Variants in THOP1 observed in about 807,000 individuals in gnomAD.
The protein encoded by THOP1 is thimet oligopeptidase.
A neutral mutation model predicts 71.8 loss-of-function variants in THOP1; 49 were observed. The observed-to-expected ratio is 0.68, with a 90% confidence interval of 0.54 to 0.87. The LOEUF is 0.87. Ranked by LOEUF, THOP1 falls within the 40% of genes least tolerant of loss-of-function variation. The pLI, the probability that THOP1 is intolerant of heterozygous loss-of-function variation, is 0.00. For synonymous variants in THOP1, 426 were observed against 421.5 expected, an observed-to-expected ratio of 1.01 and a Z score of -0.13; for missense variants, 843 against 975.6, an observed-to-expected ratio of 0.86 and a Z score of 1.81.
At position 2,796,321 on chromosome 19, in the gene THOP1, G is replaced by C. The variant is rs1916012917; in HGVS notation, c.486+133G>C. 7.2e-6 allele frequency: 5 copies of C among 690,716 alleles called. No homozygotes were observed. In the East Asian group the frequency reaches 1.4e-4, roughly 20 times the overall value. 42.8% of individuals were successfully genotyped at this position (690,716 alleles called of 1,614,324 possible). ...GGGCAGGGGGAGTGCTGGGCTCGGG[G>C]AGTGCTCGGCTCAGGGAGTGCTTGG... On this transcript the variant is annotated intron_variant, in intron 4 of 12. Coordinates refer to ENST00000307741, the MANE Select transcript of THOP1 (RefSeq NM_003249.5).
At chr19:2,812,964 C>T in intron 12 of THOP1, 151 bp from the exon 13 acceptor site, 1 of 835,114 alleles carries the variant, frequency 1.2e-6, no homozygotes, top group Non-Finnish European at 1.9e-6. Context: ...CGCTCTCCCA[C>T]CTGTGCTGAT....
At position 2,805,782 on chromosome 19, in the gene THOP1, G is replaced by C. The variant is rs375546731; in HGVS notation, c.750+606G>C. Among the ~76,000 whole-genome samples, 1 of 152,056 alleles carries C rather than the reference G, an allele frequency of 6.6e-6. No individual in the cohort carries two copies. The highest frequency in any genetic ancestry group is 1.5e-5 in the Non-Finnish European group (1 of 67,984). ...GGCTGGCAAAAGGGGGATACACGCT[G>C]ATCACTGCAAAGGGATGGGCGGGCA... On this transcript the variant is annotated intron_variant, in intron 6 of 12. Coordinates refer to ENST00000307741, the MANE Select transcript of THOP1 (RefSeq NM_003249.5). The surrounding 1 kb of genome is among the most constrained non-coding windows in gnomAD (Gnocchi z 6.6).
At chr19:2,806,695 TTA>T (rs1211448578) in intron 6 of THOP1, 4 of 686,410 alleles carry the variant, frequency 5.8e-6, no homozygotes, top group Non-Finnish European at 9.4e-6. Context: ...GTGTGAGGCC[TTA>T]GAGTCATCTG....
intron 1 of THOP1, 93 bp from the exon 2 acceptor site, chr19:2,790,328 G>C: frequency 8.3e-7 from 1 of 1,211,318 alleles, no homozygotes. Context: ...GATGAGAAGC[G>C]GGTGATCCCT....
intron 2 of THOP1, among the ~76,000 whole-genome samples, chr19:2,791,381 GTTC>G (rs1268590921): frequency 1.3e-5 from 2 of 149,964 alleles, no homozygotes; most frequent in Non-Finnish European, 2.9e-5. Flanking sequence ...GAATCCTTGA[GTTC>G]AAGCCCAGGG....
chr19:2,796,049 A>G, intron 3 of THOP1, 32 bp from the exon 4 acceptor site: 1 of 1,576,660 alleles, frequency 6.3e-7, no homozygotes, highest in Non-Finnish European at 8.7e-7. Flanking sequence ...GCACTGGCCC[A>G]CGTCCTACAT....
intron 1 of THOP1, among the ~76,000 whole-genome samples, chr19:2,787,784 T>G (rs1351109021): frequency 1.3e-5 from 2 of 152,080 alleles, no homozygotes; most frequent in African/African-American, 4.8e-5. Context: ...TGGGGGGCGC[T>G]CCTGGTATGG....
intron 9 of THOP1, among the ~76,000 whole-genome samples, chr19:2,809,218 G>A (rs559028216): frequency 3.3e-5 from 5 of 152,288 alleles, no homozygotes; most frequent in African/African-American, 1.2e-4. Context: ...GCTGTACAGC[G>A]CTGACGGGTT....
chr19:2,794,680 G>A, intron 2 of THOP1, 84 bp from the exon 3 acceptor site: 2 of 1,512,462 alleles, frequency 1.3e-6, no homozygotes, highest in African/African-American at 1.4e-5. Context: ...CAGCAGACAG[G>A]CCTGGGAGAG....
intron 2 of THOP1, 81 bp downstream of exon 2, chr19:2,790,714 G>A: frequency 1.5e-6 from 2 of 1,341,420 alleles, no homozygotes; most frequent in South Asian, 1.6e-5. Context: ...CCAGCCCGTG[G>A]AGCCGGTTCA....
In THOP1 at chr19:2,785,585, G is replaced by A. The variant is rs1915721000; in HGVS notation, c.-78G>A. The A allele has an allele frequency of 2.7e-6, 4 of 1,457,656 alleles. No individual in the cohort carries two copies. The highest frequency in any genetic ancestry group is 2.3e-5 in the Admixed American group (1 of 42,968). 90.3% of individuals were successfully genotyped at this position (1,457,656 alleles called of 1,614,324 possible). On this transcript the variant is annotated 5_prime_UTR_variant, in exon 1 of 13. Coordinates refer to ENST00000307741, the MANE Select transcript of THOP1 (RefSeq NM_003249.5). Reference sequence around the variant, plus strand: ...GGTGGCGGCGGTTGGGCCGAGGCAGGCGGCCTCAGTGGCCGAGGTGGCTGG... The same window carrying A: ...GGTGGCGGCGGTTGGGCCGAGGCAGACGGCCTCAGTGGCCGAGGTGGCTGG...
chr19:2,806,815 A>T (rs770787687), intron 6 of THOP1, 102 bp from the exon 7 acceptor site: 9 of 1,581,428 alleles, frequency 5.7e-6, no homozygotes, highest in Non-Finnish European at 7.7e-6. Flanking sequence ...CGGAGGTCAG[A>T]CGGAGCTGGA....
chr19:2,813,037 AG>A, intron 12 of THOP1, 77 bp from the exon 13 acceptor site: 1 of 1,473,982 alleles, frequency 6.8e-7, no homozygotes, highest in Admixed American at 2.4e-5. Flanking sequence ...CCCCTGGGCG[AG>A]GGTGTGCAGA....
rs79637701 is a variant in THOP1, at chr19:2,808,008, C to G, written c.1253+200C>G. 0.012 allele frequency: 9,157 copies of G among 782,494 alleles called. 580 individuals are homozygous for G. The African/African-American group carries it at 0.14, about 12-fold the overall frequency. The allele number at this position is 782,494 out of a possible 1,614,324, so 48.5% of individuals were successfully genotyped here. On this transcript the variant is annotated intron_variant, in intron 8 of 12. Coordinates refer to ENST00000307741, the MANE Select transcript of THOP1 (RefSeq NM_003249.5). ...CGTTTCCAGTCTCACTCAGCCACCC[C>G]GACAGGGCGCAGCTCTGCCCAGGCC... is the stretch of plus-strand genomic sequence containing the variant.
chr19:2,796,192 A>T lies in THOP1; in HGVS notation c.486+4A>T. The stretch of plus-strand genomic sequence containing the variant: ...CCTCCCCAGAGAGACTCAGGAAGTG[A>T]GTGCTGGGTGTAGGGAGTGCTGGGC... On this transcript the variant is annotated splice_donor_region_variant and intron_variant, in intron 4 of 12. Coordinates refer to ENST00000307741, the MANE Select transcript of THOP1 (RefSeq NM_003249.5). 6.2e-7 allele frequency: 1 copy of T among 1,610,012 alleles called. No individual in the cohort carries two copies. Among genetic ancestry groups the T allele is most frequent in the Non-Finnish European group, 8.5e-7 (1 of 1,177,390 alleles).
chr19:2,807,027 C>T lies in THOP1; in HGVS notation c.861C>T (p.Thr287=). 3 of 1,611,408 alleles carry T rather than the reference C, an allele frequency of 1.9e-6. No homozygotes were observed. Among genetic ancestry groups the T allele is most frequent in the Non-Finnish European group, 2.5e-6 (3 of 1,179,160 alleles). ...DYVLEMNMAK[T]SQTVATFLDE... Reference sequence around the variant, plus strand: ...TCCTGGAGATGAACATGGCCAAGACCAGCCAGACCGTGGCCACCTTCCTAG... The same window carrying T: ...TCCTGGAGATGAACATGGCCAAGACTAGCCAGACCGTGGCCACCTTCCTAG... The change falls in exon 7 of 13, where the codon ACC becomes ACT. Residue 287 remains threonine (T), a synonymous_variant. Transcript: ENST00000307741.
rs1916584837 is a variant in THOP1 at position 2,815,623 on chromosome 19, G to A, written c.*2347G>A. On this transcript the variant is annotated 3_prime_UTR_variant, in exon 13 of 13. Coordinates refer to ENST00000307741, the MANE Select transcript of THOP1 (RefSeq NM_003249.5). ...AGCGGGGGCTTTGATCACAGGGAGG[G>A]GGCTGCAGAGCTGCTGTGTCTCCTG... 6.6e-6 allele frequency: 1 copy of A among 152,628 alleles called. No individual in the cohort carries two copies. The highest frequency in any genetic ancestry group is 2.4e-5 in the African/African-American group (1 of 41,414). 9.5% of individuals were successfully genotyped at this position (152,628 alleles called of 1,614,324 possible).
intron 1 of THOP1, among the ~76,000 whole-genome samples, chr19:2,787,252 G>C (rs1001095312): frequency 9.2e-5 from 14 of 152,126 alleles, no homozygotes; most frequent in African/African-American, 3.4e-4. Flanking sequence ...CTGATCCTTG[G>C]CTTTTCTCTT....
In THOP1 at chr19:2,794,767, A is replaced by G. The variant is rs1256811990; in HGVS notation, c.233A>G (p.Gln78Arg). Residue 78 changes from glutamine to arginine, a missense_variant, in exon 3 of 13, where the codon CAG becomes CGG. Physicochemically the swap from Gln to Arg is conservative, Grantham distance 43 (BLOSUM62 1). Transcript: ENST00000307741. ...TCCCTGGTCTCCCCTGTTTTAGTTC[A>G]GAGGAATATCCTTGACTTCCCCCAG... ...LADVEVTYTVQRNILDFPQHV... is the reference protein window; with the variant it reads ...LADVEVTYTVRRNILDFPQHV... The G allele has an allele frequency of 3.7e-6, 6 of 1,612,568 alleles. No individual in the cohort carries two copies. Among genetic ancestry groups the G allele is most frequent in the African/African-American group, 1.3e-5 (1 of 74,874 alleles).
Sources: allele counts gnomAD v4.1 joint callset (sites outside exome capture counted in the v4.1 genomes callset), GRCh38; gene constraint gnomAD v4.1.1; non-coding constraint Gnocchi (gnomAD v3.1); transcripts MANE v1.5; gene names NCBI Gene and HGNC (gene_info 2026-07-23, HGNC 2026-07-21).